The following DAB1 variants were observed in gnomAD, a reference collection of about 807,000 sequenced individuals.
The protein encoded by DAB1 is DAB adaptor protein 1, also known as disabled homolog 1.
In DAB1, 15 loss-of-function variants were observed where a neutral mutation model predicts 64.6. The ratio of observed to expected loss-of-function variants is 0.23; its 90% CI spans 0.16 to 0.36. DAB1 has a LOEUF of 0.36. Ranked by LOEUF, DAB1 falls within the 10% of genes least tolerant of loss-of-function variation. DAB1 has a pLI of 1.00. For missense variants in DAB1, 596 were observed against 706.7 expected (o/e 0.84, Z 1.78); for synonymous variants, 235 against 251.9 (o/e 0.93, Z 0.64).
At chr1:57,654,681 T>C (rs886824814) in intron 6 of DAB1, among the ~76,000 whole-genome samples, 1 of 150,858 alleles carries the variant, frequency 6.6e-6, no homozygotes, top group African/African-American at 2.4e-5. Flanking sequence ...TAGCTAAAGA[T>C]TTGTAAATTT....
At chr1:58,317,302 A>G (rs1662578311) in intron 4 of DAB1, among the ~76,000 whole-genome samples, 1 of 152,242 alleles carries the variant, frequency 6.6e-6, no homozygotes, top group African/African-American at 2.4e-5. Flanking sequence ...ATGACCCTCA[A>G]GATCTCACGC....
intron 5 of DAB1, among the ~76,000 whole-genome samples, chr1:57,978,557 T>C (rs1026975442): frequency 2.6e-5 from 4 of 152,112 alleles, no homozygotes; most frequent in African/African-American, 7.2e-5. Context: ...AAAGCCAAAA[T>C]TGACAAATGG....
intron 5 of DAB1, among the ~76,000 whole-genome samples, chr1:57,978,539 T>A (rs963224379): frequency 1.3e-5 from 2 of 152,062 alleles, no homozygotes; most frequent in African/African-American, 4.8e-5. Flanking sequence ...CCAAAAGCAA[T>A]GGCAACAAAA....
chr1:57,647,977 C>T (rs925543544), intron 7 of DAB1, among the ~76,000 whole-genome samples: 1 of 152,190 alleles, frequency 6.6e-6, no homozygotes, highest in African/African-American at 2.4e-5. Flanking sequence ...TATTCTCAAC[C>T]TCTGTCTATA....
At chr1:58,421,547 G>A (rs1168390780) in intron 3 of DAB1, among the ~76,000 whole-genome samples, 8 of 152,150 alleles carry the variant, frequency 5.3e-5, no homozygotes, top group Admixed American at 3.9e-4. Flanking sequence ...AAGACATTTC[G>A]GGGAAGGTAG....
At chr1:57,549,123 G>T (rs1644886950) in intron 7 of DAB1, among the ~76,000 whole-genome samples, 1 of 152,094 alleles carries the variant, frequency 6.6e-6, no homozygotes, top group Non-Finnish European at 1.5e-5. Context: ...TCTCAATTTT[G>T]TGGATATTGT....
intron 4 of DAB1, among the ~76,000 whole-genome samples, chr1:58,257,421 G>A (rs1216539852): frequency 6.6e-6 from 1 of 152,190 alleles, no homozygotes; most frequent in African/African-American, 2.4e-5. Flanking sequence ...GTGGGGCTAT[G>A]ACTGCATGCA....
At chr1:58,129,234 T>C (rs1301930904) in intron 5 of DAB1, among the ~76,000 whole-genome samples, 3 of 151,614 alleles carry the variant, frequency 2.0e-5, no homozygotes, top group Non-Finnish European at 4.4e-5. Context: ...GATTTTCTAG[T>C]TTATTTGCGT....
intron 6 of DAB1, among the ~76,000 whole-genome samples, chr1:57,781,252 A>G (rs995763614): frequency 4.0e-5 from 6 of 149,576 alleles, no homozygotes; most frequent in African/African-American, 7.4e-5. Context: ...ATAGTTTCCT[A>G]TCACATAGAT....
At chr1:57,311,760 A>C (rs1674729609) in intron 1 of DAB1, among the ~76,000 whole-genome samples, 1 of 152,212 alleles carries the variant, frequency 6.6e-6, no homozygotes, top group African/African-American at 2.4e-5. Flanking sequence ...TGGACACCTT[A>C]ACTCAAACCA....
intron 5 of DAB1, among the ~76,000 whole-genome samples, chr1:58,043,516 C>A (rs910861432): frequency 6.6e-6 from 1 of 152,184 alleles, no homozygotes; most frequent in Non-Finnish European, 1.5e-5. Context: ...ATCCATCTGA[C>A]AAAACTCTCT....
chr1:57,125,999 T>C (rs1319410602), intron 4 of DAB1, among the ~76,000 whole-genome samples: 1 of 152,164 alleles, frequency 6.6e-6, no homozygotes, highest in Non-Finnish European at 1.5e-5. Flanking sequence ...AGGTAGGAGA[T>C]ACAAGGATGA....
intron 3 of DAB1, among the ~76,000 whole-genome samples, chr1:58,415,649 T>C (rs950972712): frequency 6.6e-6 from 1 of 152,246 alleles, no homozygotes; most frequent in African/African-American, 2.4e-5. Context: ...ATGGAATTTC[T>C]CTTCCTCCCT....
At chr1:57,527,464 G>C (rs898103594) in intron 7 of DAB1, among the ~76,000 whole-genome samples, 3 of 152,110 alleles carry the variant, frequency 2.0e-5, no homozygotes, top group African/African-American at 7.2e-5. Flanking sequence ...CTGAAGTTTA[G>C]ATAAGCCAAA....
intron 4 of DAB1, among the ~76,000 whole-genome samples, chr1:58,232,476 T>TACACACACACAC (rs58863239): frequency 6.9e-5 from 10 of 144,134 alleles, no homozygotes; most frequent in East Asian, 6.4e-4. Context: ...TCTGAGTGAA[T>TACACACACACAC]ACACACACAC....
intron 2 of DAB1, among the ~76,000 whole-genome samples, chr1:57,269,327 C>A (rs1381510343): frequency 6.6e-6 from 1 of 152,162 alleles, no homozygotes; most frequent in Non-Finnish European, 1.5e-5. Flanking sequence ...ACCTGTCTAA[C>A]TTCTCAGCCC....
At chr1:58,188,705 T>A (rs1396960257) in intron 4 of DAB1, among the ~76,000 whole-genome samples, 1 of 152,232 alleles carries the variant, frequency 6.6e-6, no homozygotes, top group Non-Finnish European at 1.5e-5. Context: ...TTGTAATTCA[T>A]TCAATAATAT....
At chr1:57,134,313 G>A (rs546484963) in intron 4 of DAB1, among the ~76,000 whole-genome samples, 122 of 152,158 alleles carry the variant, frequency 8.0e-4, no homozygotes, top group African/African-American at 2.7e-3. Flanking sequence ...GGCTGGGCGC[G>A]GTGGCTCATG....
At chr1:58,138,038 T>C (rs1239073461) in intron 5 of DAB1, among the ~76,000 whole-genome samples, 1 of 152,176 alleles carries the variant, frequency 6.6e-6, no homozygotes, top group Admixed American at 6.5e-5. Flanking sequence ...AACATAATAT[T>C]ATGATATTAT....
Sources: allele counts gnomAD v4.1 joint callset (sites outside exome capture counted in the v4.1 genomes callset), GRCh38; gene constraint gnomAD v4.1.1; transcripts MANE v1.5; gene names NCBI Gene and HGNC (gene_info 2026-07-23, HGNC 2026-07-21).